RDH10: variants seen among roughly 807,000 people sequenced by gnomAD.
The protein encoded by RDH10 is retinol dehydrogenase 10.
In RDH10, 12 loss-of-function variants were observed where a neutral mutation model predicts 30.2. The ratio of observed to expected loss-of-function variants is 0.40; its 90% CI spans 0.25 to 0.64. The LOEUF (loss-of-function observed/expected upper bound fraction) is 0.64. Among genes scored for constraint, RDH10 ranks in the 30% least tolerant of loss-of-function variants. RDH10 has a pLI of 0.43. For missense variants in RDH10, 268 were observed against 445.2 expected, an observed-to-expected ratio of 0.60 and a Z score of 3.58; for synonymous variants, 189 against 172.2, an observed-to-expected ratio of 1.10 and a Z score of -0.76.
intron 1 of RDH10, 146 bp from the exon 2 acceptor site, chr8:73,297,047 TG>T: frequency 1.6e-6 from 1 of 630,504 alleles, no homozygotes; most frequent in Non-Finnish European, 2.9e-6. Flanking sequence ...GCTCAGTCGT[TG>T]GCAAGCCTTG....
At chr8:73,307,042 A>G (rs560218336) in intron 2 of RDH10, among the ~76,000 whole-genome samples, 1 of 152,234 alleles carries the variant, frequency 6.6e-6, no homozygotes, top group Non-Finnish European at 1.5e-5. Flanking sequence ...TCTCTTGGGA[A>G]AGAGAAGCAT....
chr8:73,295,705 CTT>C, intron 1 of RDH10, 127 bp downstream of exon 1: 2 of 1,041,920 alleles, frequency 1.9e-6, no homozygotes, highest in Non-Finnish European at 2.6e-6. Context: ...CCCCACCGGT[CTT>C]TTGGGAGACG....
chr8:73,316,074 T>A (rs1353134786), intron 2 of RDH10, among the ~76,000 whole-genome samples: 1 of 152,208 alleles, frequency 6.6e-6, no homozygotes, highest in Non-Finnish European at 1.5e-5. Flanking sequence ...TGGGGTGCCA[T>A]AACACAATCA....
intron 2 of RDH10, among the ~76,000 whole-genome samples, chr8:73,310,444 T>C (rs1210271348): frequency 1.3e-5 from 2 of 151,858 alleles, no homozygotes; most frequent in East Asian, 1.9e-4. Context: ...GATGGGGACA[T>C]TGAGAGCTGT....
intron 2 of RDH10, among the ~76,000 whole-genome samples, chr8:73,310,134 A>G (rs752044705): frequency 6.6e-6 from 1 of 152,232 alleles, no homozygotes; most frequent in Non-Finnish European, 1.5e-5. Flanking sequence ...CCACTGATTT[A>G]TAGGAAAGTT....
At chr8:73,297,499 T>C in intron 2 of RDH10, 70 bp downstream of exon 2, 2 of 1,163,404 alleles carry the variant, frequency 1.7e-6, no homozygotes, top group Non-Finnish European at 2.6e-6. Context: ...GGGAGAGACT[T>C]CAGTGCCAGC....
At chr8:73,304,520 T>C (rs1345560317) in intron 2 of RDH10, among the ~76,000 whole-genome samples, 2 of 152,208 alleles carry the variant, frequency 1.3e-5, no homozygotes, top group African/African-American at 2.4e-5. Context: ...TATGACCATA[T>C]TGCTCACAGC....
chr8:73,309,637 G>C (rs1454105084), intron 2 of RDH10, among the ~76,000 whole-genome samples: 3 of 139,660 alleles, frequency 2.1e-5, no homozygotes, highest in Non-Finnish European at 4.6e-5. Flanking sequence ...TCAATTTCCA[G>C]CCCCAAATAT....
chr8:73,315,248 C>A, intron 2 of RDH10, among the ~76,000 whole-genome samples: 1 of 114,656 alleles, frequency 8.7e-6, no homozygotes, highest in East Asian at 3.1e-4. Flanking sequence ...TCTCTCTCTC[C>A]CCCCACCGGC....
chr8:73,294,737 C>G lies in RDH10; in HGVS notation c.-553C>G, dbSNP rs1814219802. 5.4e-6 allele frequency: 2 copies of G among 368,054 alleles called. No homozygotes were observed. The highest frequency in any genetic ancestry group is 4.8e-6 in the Non-Finnish European group (1 of 206,600). The allele number at this position is 368,054 out of a possible 1,614,324, so 22.8% of individuals were successfully genotyped here. A position where few individuals can be genotyped will look rare whatever the true frequency, so the allele number is the denominator to read the frequency against. ...GCTGCAAGGCGTTGGGCAGCGCTTG[C>G]CTGCGCCGAGCGAGTCTCCCCTTCC... On this transcript the variant is annotated 5_prime_UTR_variant, in exon 1 of 6. Coordinates refer to ENST00000240285, the MANE Select transcript of RDH10 (RefSeq NM_172037.5).
intron 3 of RDH10, among the ~76,000 whole-genome samples, chr8:73,320,183 C>A (rs531116828): frequency 8.5e-5 from 13 of 152,290 alleles, no homozygotes; most frequent in African/African-American, 3.1e-4. Context: ...TGCCTTTATT[C>A]TTCTTGCATT....
chr8:73,299,041 T>C lies in RDH10; in HGVS notation c.525+1612T>C, dbSNP rs1814330631. Reference sequence around the variant, plus strand: ...GTTGATCAGGCTGGTCTCGAACTCCTGACCTCAGGTGATCCGCCCGCCTCA... The same window carrying C: ...GTTGATCAGGCTGGTCTCGAACTCCCGACCTCAGGTGATCCGCCCGCCTCA... On this transcript the variant is annotated intron_variant, in intron 2 of 5. Coordinates refer to ENST00000240285, the MANE Select transcript of RDH10 (RefSeq NM_172037.5). Among the ~76,000 whole-genome samples, 3 of 152,062 alleles carry C rather than the reference T, an allele frequency of 2.0e-5. No homozygotes were observed. In the South Asian group the frequency reaches 6.2e-4, roughly 32 times the overall value.
chr8:73,300,533 C>T (rs1814356478), intron 2 of RDH10: 1 of 152,192 alleles, frequency 6.6e-6, no homozygotes, highest in African/African-American at 2.4e-5. Context: ...AAGAACTGTT[C>T]AGTCATTTGA....
intron 3 of RDH10, 47 bp downstream of exon 3, chr8:73,319,241 T>TGG (rs34875062): frequency 0.11 from 150,262 of 1,341,270 alleles, 9,354 homozygotes; most frequent in South Asian, 0.15. Context: ...GTTTATCCTG[T>TGG]GATAAGTACA....
intron 3 of RDH10, among the ~76,000 whole-genome samples, chr8:73,320,106 C>A (rs896010984): frequency 6.6e-6 from 1 of 152,222 alleles, no homozygotes; most frequent in Non-Finnish European, 1.5e-5. Flanking sequence ...GCATGATTAT[C>A]ATTTTCATTT....
chr8:73,314,066 CTT>C (rs1378102018), intron 2 of RDH10, among the ~76,000 whole-genome samples: 1 of 152,242 alleles, frequency 6.6e-6, no homozygotes, highest in African/African-American at 2.4e-5. Context: ...TCTGACGACT[CTT>C]TGAGACAAAG....
At chr8:73,304,446 G>A (rs1219750697) in intron 2 of RDH10, among the ~76,000 whole-genome samples, 1 of 152,046 alleles carries the variant, frequency 6.6e-6, no homozygotes, top group Non-Finnish European at 1.5e-5. Context: ...ATTCGCTTTT[G>A]GCTTTCCAAC....
At chr8:73,319,262 C>A in intron 3 of RDH10, 68 bp downstream of exon 3, 1 of 1,059,016 alleles carries the variant, frequency 9.4e-7, no homozygotes, top group Non-Finnish European at 1.4e-6. Flanking sequence ...CCAGAACCTC[C>A]AGGAGAGCAC....
At chr8:73,320,480 T>TG (rs71993221) in intron 3 of RDH10, among the ~76,000 whole-genome samples, 115 of 112,568 alleles carry the variant, frequency 1.0e-3, no homozygotes, top group Middle Eastern at 8.3e-3. Context: ...TTTTTGTTTT[T>TG]TTTTTTTTGA....
Sources: allele counts gnomAD v4.1 joint callset (sites outside exome capture counted in the v4.1 genomes callset), GRCh38; gene constraint gnomAD v4.1.1; transcripts MANE v1.5; gene names NCBI Gene and HGNC (gene_info 2026-07-23, HGNC 2026-07-21).